PID1: variants seen among roughly 807,000 people sequenced by gnomAD.
PID1 encodes PTB-containing, cubilin and LRP1-interacting protein.
In PID1, 10 loss-of-function variants were observed where a neutral mutation model predicts 19.1. That is an observed-to-expected ratio of 0.52 (90% CI 0.32 to 0.89). PID1 has a LOEUF of 0.89. Ranked by LOEUF, PID1 falls within the 40% of genes least tolerant of loss-of-function variation. The pLI is 0.03. For missense variants in PID1, 248 were observed against 285.3 expected (o/e 0.87, Z 0.94); for synonymous variants, 130 against 116.0 (o/e 1.12, Z -0.78).
intron 1 of PID1, among the ~76,000 whole-genome samples, chr2:229,229,234 G>A (rs1039101895): frequency 1.3e-5 from 2 of 152,144 alleles, no homozygotes; most frequent in African/African-American, 4.8e-5. Context: ...TTCTCCAGCA[G>A]TACCACCTTC....
chr2:229,105,538 T>C (rs1183725152), intron 2 of PID1, among the ~76,000 whole-genome samples: 1 of 152,228 alleles, frequency 6.6e-6, no homozygotes, highest in Non-Finnish European at 1.5e-5. Flanking sequence ...GCCCTTACAA[T>C]TGTTCAAGTG....
rs114597887 is a variant in PID1, at chr2:229,262,832, G to A, written c.30+8182C>T. On this transcript the variant is annotated intron_variant, in intron 1 of 2. Coordinates refer to ENST00000392055, the MANE Select transcript of PID1 (RefSeq NM_001100818.2). ...CCTTGGCTTATGATGCCATAACTCC[G>A]GTTTCTGCCTTGATCTTCACAATGG... The A allele has an allele frequency of 6.0e-4, 927 of 1,550,136 alleles. 2 individuals carry two copies. The African/African-American group carries it at 0.01, about 17-fold the overall frequency.
chr2:229,194,875 C>T (rs1162733599), intron 1 of PID1, among the ~76,000 whole-genome samples: 2 of 151,656 alleles, frequency 1.3e-5, no homozygotes, highest in Non-Finnish European at 1.5e-5. Context: ...GATATATACC[C>T]ATACACACAC....
At chr2:229,114,119 C>CTCTCTCTCTCTCTT (rs753337292) in intron 2 of PID1, among the ~76,000 whole-genome samples, 9,340 of 137,162 alleles carry the variant, frequency 0.068, 431 homozygotes, top group East Asian at 0.21. Context: ...CTCTTTCTCT[C>CTCTCTCTCTCTCTT]TCTCTCTCTC....
chr2:229,235,093 C>T (rs2106270768), intron 1 of PID1, among the ~76,000 whole-genome samples: 1 of 152,272 alleles, frequency 6.6e-6, no homozygotes, highest in Non-Finnish European at 1.5e-5. Flanking sequence ...CTCTCCCACC[C>T]TCTCTCTAGG....
chr2:229,043,922 C>G (rs142227186), intron 2 of PID1, among the ~76,000 whole-genome samples: 1 of 152,180 alleles, frequency 6.6e-6, no homozygotes, highest in Non-Finnish European at 1.5e-5. Context: ...AGCAAGGACA[C>G]ATCCAGCTCA....
At chr2:229,040,906 G>A (rs751481567) in intron 2 of PID1, among the ~76,000 whole-genome samples, 1 of 152,192 alleles carries the variant, frequency 6.6e-6, no homozygotes, top group Non-Finnish European at 1.5e-5. Context: ...GTTTCTCATT[G>A]TTAAAGAGAG....
At chr2:229,254,153 G>A (rs1023175820) in intron 1 of PID1, among the ~76,000 whole-genome samples, 2 of 151,934 alleles carry the variant, frequency 1.3e-5, no homozygotes, top group Non-Finnish European at 2.9e-5. Flanking sequence ...CATTCATTAC[G>A]AACAACAACA....
rs563523371 is a variant in PID1, at chr2:229,047,925, G to A, written c.178-21817C>T. Among the ~76,000 whole-genome samples the A allele has an allele frequency of 2.0e-5, 3 of 152,232 alleles. No homozygotes were observed. The South Asian group carries it at 6.2e-4, about 32-fold the overall frequency. ...TTGGTGTAAGATCTCAGCCAGAGATGCTGCAATCACAAAAAAAGAAAAGCA... is the reference window on the plus strand; with the variant it reads ...TTGGTGTAAGATCTCAGCCAGAGATACTGCAATCACAAAAAAAGAAAAGCA... On this transcript the variant is annotated intron_variant, in intron 2 of 2. Transcript: ENST00000392055.
chr2:229,202,774 T>C (rs531249025), intron 1 of PID1, among the ~76,000 whole-genome samples: 13 of 152,236 alleles, frequency 8.5e-5, no homozygotes, highest in South Asian at 2.1e-4. Flanking sequence ...TTTACTTTAA[T>C]AGTGTTCCAA....
chr2:229,026,839 A>G (rs912912657), intron 2 of PID1, among the ~76,000 whole-genome samples: 3 of 152,248 alleles, frequency 2.0e-5, no homozygotes, highest in South Asian at 2.1e-4. Flanking sequence ...TATGAAAACT[A>G]AGAAAAATAA....
intron 2 of PID1, among the ~76,000 whole-genome samples, chr2:229,117,405 C>T (rs1400191868): frequency 1.3e-5 from 2 of 152,122 alleles, no homozygotes; most frequent in Non-Finnish European, 2.9e-5. Context: ...CTTGTATCCC[C>T]TACCAGCCAC....
intron 1 of PID1, among the ~76,000 whole-genome samples, chr2:229,174,042 C>T (rs1189929083): frequency 6.6e-6 from 1 of 152,166 alleles, no homozygotes; most frequent in Admixed American, 6.5e-5. Context: ...CTTCCCTGAC[C>T]TCCATCAGTG....
chr2:229,059,454 T>C (rs1021840773), intron 2 of PID1, among the ~76,000 whole-genome samples: 3 of 152,230 alleles, frequency 2.0e-5, no homozygotes, highest in African/African-American at 7.2e-5. Flanking sequence ...CTCATGTGTA[T>C]ATGTCAGTGT....
intron 1 of PID1, among the ~76,000 whole-genome samples, chr2:229,265,332 G>A (rs1377363430): frequency 6.6e-6 from 1 of 152,242 alleles, no homozygotes; most frequent in African/African-American, 2.4e-5. Context: ...TTAAGTGGAA[G>A]AGCATGTCAA....
intron 2 of PID1, among the ~76,000 whole-genome samples, chr2:229,062,077 T>C (rs1232147493): frequency 6.6e-6 from 1 of 151,946 alleles, no homozygotes; most frequent in Non-Finnish European, 1.5e-5. Flanking sequence ...TTTCAATGTT[T>C]TTAATATATT....
intron 1 of PID1, among the ~76,000 whole-genome samples, chr2:229,233,439 A>T (rs1692258614): frequency 6.6e-6 from 1 of 151,906 alleles, no homozygotes. Context: ...AAAGAGGTAT[A>T]GAAATGAAGG....
chr2:229,155,504 C>T (rs6738438), intron 2 of PID1, among the ~76,000 whole-genome samples: 41,859 of 149,596 alleles, frequency 0.28, 6,423 homozygotes, highest in Non-Finnish European at 0.36. Context: ...ACCCAGGAGG[C>T]GGAGCTTGCA....
chr2:229,098,861 C>T (rs10179193), intron 2 of PID1, among the ~76,000 whole-genome samples: 116,010 of 152,184 alleles, frequency 0.76, 48,146 homozygotes, highest in Non-Finnish European at 0.92. Flanking sequence ...GCTCTCGCCA[C>T]GTTCGTGCTT....
Sources: gnomAD v4.1 joint callset for allele counts (sites outside exome capture counted in the v4.1 genomes callset) on GRCh38, gnomAD v4.1.1 for gene constraint, MANE v1.5 for transcripts, NCBI Gene and HGNC (gene_info 2026-07-23, HGNC 2026-07-21) for gene names.